The following ETV6 variants were observed in gnomAD, a reference collection of about 807,000 sequenced individuals.
ETV6 encodes the protein transcription factor ETV6.
In ETV6, 16 loss-of-function variants were observed where a neutral mutation model predicts 51.1. The ratio of observed to expected loss-of-function variants is 0.31; its 90% confidence interval spans 0.21 to 0.48. The LOEUF (loss-of-function observed/expected upper bound fraction) is 0.48. Ranked by LOEUF, ETV6 falls within the 20% of genes least tolerant of loss-of-function variation. The pLI is 0.99. For missense variants in ETV6, 458 were observed against 594.8 expected, an observed-to-expected ratio of 0.77 and a Z score of 2.39; for synonymous variants, 240 against 224.1, an observed-to-expected ratio of 1.07 and a Z score of -0.64.
chr12:11,775,008 A>T lies in ETV6; in HGVS notation c.163+22429A>T, dbSNP rs536511588. The stretch of plus-strand genomic sequence containing the variant: ...CAGGAACTCTGGGCATAAAAACACG[A>T]TCTCTGCAGACTTGTGTGTGGCTAG... On this transcript the variant is annotated intron_variant, in intron 2 of 7. Coordinates refer to ENST00000396373, the MANE Select transcript of ETV6 (RefSeq NM_001987.5). Among the ~76,000 whole-genome samples, 128 of 152,232 alleles carry T rather than the reference A, an allele frequency of 8.4e-4. 2 individuals carry two copies. In the Middle Eastern group the frequency reaches 0.01, roughly 12 times the overall value.
intron 1 of ETV6, among the ~76,000 whole-genome samples, chr12:11,702,939 A>T (rs2120845864): frequency 6.6e-6 from 1 of 152,244 alleles, no homozygotes; most frequent in South Asian, 2.1e-4. Context: ...AACCCTGTTG[A>T]TACAAAAAAT....
chr12:11,658,169 G>A (rs1469279724), intron 1 of ETV6, among the ~76,000 whole-genome samples: 1 of 152,186 alleles, frequency 6.6e-6, no homozygotes, highest in Non-Finnish European at 1.5e-5. Context: ...ATCTGGAAGA[G>A]GCTAGAGATT....
chr12:11,679,479 T>A (rs1351826456), intron 1 of ETV6, among the ~76,000 whole-genome samples: 1 of 152,224 alleles, frequency 6.6e-6, no homozygotes, highest in East Asian at 1.9e-4. Flanking sequence ...TCTCACAGAT[T>A]CTCTTTTCAT....
intron 1 of ETV6, among the ~76,000 whole-genome samples, chr12:11,673,317 A>G (rs1864355955): frequency 6.6e-6 from 1 of 152,180 alleles, no homozygotes; most frequent in African/African-American, 2.4e-5. Context: ...ATGTCCATGA[A>G]GAAGAAAATC....
chr12:11,883,208 C>T (rs1332216890), intron 5 of ETV6, among the ~76,000 whole-genome samples: 1 of 150,890 alleles, frequency 6.6e-6, no homozygotes, highest in Non-Finnish European at 1.5e-5. Context: ...TGGAGGGCAA[C>T]CACACACCTT....
At chr12:11,890,838 G>A (rs1277353915) in intron 7 of ETV6, 103 bp from the exon 8 acceptor site, 3 of 882,894 alleles carry the variant, frequency 3.4e-6, no homozygotes, top group Admixed American at 1.9e-5. Context: ...CTCTCCAGCT[G>A]TATAAGATGA....
At chr12:11,692,190 G>T (rs1864780008) in intron 1 of ETV6, among the ~76,000 whole-genome samples, 1 of 152,054 alleles carries the variant, frequency 6.6e-6, no homozygotes, top group Non-Finnish European at 1.5e-5. Context: ...GTTATTATGG[G>T]AATGGGACTG....
intron 2 of ETV6, among the ~76,000 whole-genome samples, chr12:11,789,076 G>A (rs1052833663): frequency 3.3e-5 from 5 of 151,926 alleles, no homozygotes; most frequent in South Asian, 2.1e-4. Flanking sequence ...ATTGTCGCCC[G>A]GACTGGAGTG....
intron 2 of ETV6, among the ~76,000 whole-genome samples, chr12:11,816,776 G>A (rs142480884): frequency 2.6e-4 from 39 of 152,334 alleles, no homozygotes; most frequent in African/African-American, 8.9e-4. Flanking sequence ...GTTAGAAAGG[G>A]TGGGAGGGAG....
At chr12:11,785,673 A>C (rs1945474722) in intron 2 of ETV6, among the ~76,000 whole-genome samples, 1 of 152,136 alleles carries the variant, frequency 6.6e-6, no homozygotes, top group Non-Finnish European at 1.5e-5. Flanking sequence ...TTTCATTTCC[A>C]TGTGTGCCTT....
intron 1 of ETV6, among the ~76,000 whole-genome samples, chr12:11,668,773 C>G (rs1369022235): frequency 6.6e-6 from 1 of 152,176 alleles, no homozygotes; most frequent in East Asian, 1.9e-4. Context: ...AATTGCCCGG[C>G]CAGGTGTGCT....
intron 2 of ETV6, among the ~76,000 whole-genome samples, chr12:11,792,863 C>G (rs1205405147): frequency 6.6e-6 from 1 of 151,990 alleles, no homozygotes; most frequent in Non-Finnish European, 1.5e-5. Flanking sequence ...CCAGAAGGTT[C>G]TAAATGGTTA....
chr12:11,742,389 A>G, intron 1 of ETV6, among the ~76,000 whole-genome samples: 1 of 152,222 alleles, frequency 6.6e-6, no homozygotes, highest in African/African-American at 2.4e-5. Context: ...CTGAGTCCCT[A>G]TTCCTAAGAA....
intron 1 of ETV6, among the ~76,000 whole-genome samples, chr12:11,718,571 G>A (rs1422418684): frequency 6.7e-6 from 1 of 149,028 alleles, no homozygotes; most frequent in African/African-American, 2.5e-5. Context: ...TTTGAGACCA[G>A]CCTGGGCAAC....
intron 2 of ETV6, among the ~76,000 whole-genome samples, chr12:11,793,832 T>C (rs941937056): frequency 6.6e-6 from 1 of 152,208 alleles, no homozygotes; most frequent in Non-Finnish European, 1.5e-5. Context: ...GTTCTCCTTT[T>C]TTGTGTAGAA....
chr12:11,853,360 G>T, intron 3 of ETV6, 67 bp from the exon 4 acceptor site: 1 of 1,596,218 alleles, frequency 6.3e-7, no homozygotes, highest in Non-Finnish European at 8.6e-7. Flanking sequence ...CTTAGCTGCT[G>T]CTCCGTAGAT....
chr12:11,752,894 A>T, intron 2 of ETV6: 1 of 232,392 alleles, frequency 4.3e-6, no homozygotes. Context: ...GTGTGTGTGC[A>T]AAGTTTATCT....
chr12:11,834,823 T>C (rs1946291734), intron 2 of ETV6, among the ~76,000 whole-genome samples: 1 of 152,160 alleles, frequency 6.6e-6, no homozygotes, highest in South Asian at 2.1e-4. Flanking sequence ...AATAGGAGCA[T>C]ATTGACTACA....
chr12:11,835,388 A>C (rs1402367500), intron 2 of ETV6, among the ~76,000 whole-genome samples: 2 of 152,208 alleles, frequency 1.3e-5, no homozygotes, highest in African/African-American at 4.8e-5. Context: ...AATGATCATT[A>C]ACATCTATAT....
Sources: gnomAD v4.1 joint callset for allele counts (sites outside exome capture counted in the v4.1 genomes callset) on GRCh38, gnomAD v4.1.1 for gene constraint, MANE v1.5 for transcripts, NCBI Gene and HGNC (gene_info 2026-07-23, HGNC 2026-07-21) for gene names.